CCSER1: variants seen among roughly 807,000 people sequenced by gnomAD.
CCSER1 encodes serine-rich coiled-coil domain-containing protein 1.
A neutral mutation model predicts 82.0 loss-of-function variants in CCSER1; 41 were observed. The ratio of observed to expected loss-of-function variants is 0.50; its 90% CI spans 0.39 to 0.65. The LOEUF (loss-of-function observed/expected upper bound fraction) is 0.65. Among genes scored for constraint, CCSER1 ranks in the 30% least tolerant of loss-of-function variants. The probability of loss-of-function intolerance (pLI) is 0.00; values close to 1 mark genes in which losing one functional copy is unlikely to be tolerated. For missense variants in CCSER1, 1,119 were observed against 1,064.2 expected, an observed-to-expected ratio of 1.05 and a Z score of -0.72; for synonymous variants, 414 against 383.9, an observed-to-expected ratio of 1.08 and a Z score of -0.92.
intron 6 of CCSER1, among the ~76,000 whole-genome samples, chr4:90,674,262 G>A (rs11930918): frequency 0.46 from 69,707 of 151,574 alleles, 16,420 homozygotes; most frequent in Middle Eastern, 0.59. Flanking sequence ...CTTATGATGG[G>A]ATTCTTTAGG....
rs1741072863 is a variant in CCSER1, at chr4:91,032,500, C to T, written c.2173-53450C>T. On this transcript the variant is annotated intron_variant, in intron 9 of 10. Transcript: ENST00000509176. ...CAGAAAAAGGACAGATTTATCCTGACTTTGAAAAGCAAGAAATAATTTAAG... is the reference window on the plus strand; with the variant it reads ...CAGAAAAAGGACAGATTTATCCTGATTTTGAAAAGCAAGAAATAATTTAAG... 3.3e-5 allele frequency among the ~76,000 whole-genome samples: 5 copies of T among 152,162 alleles called. No individual in the cohort carries two copies. In the South Asian group the frequency reaches 1.0e-3, roughly 32 times the overall value.
intron 9 of CCSER1, 22 bp downstream of exon 9, chr4:90,923,469 T>A: frequency 3.3e-6 from 5 of 1,502,058 alleles, no homozygotes; most frequent in Non-Finnish European, 4.5e-6. Context: ...TGTAAAACCA[T>A]TTTTAACTTC....
intron 5 of CCSER1, among the ~76,000 whole-genome samples, chr4:90,566,681 C>T (rs928688472): frequency 2.6e-5 from 4 of 151,268 alleles, no homozygotes; most frequent in Middle Eastern, 3.2e-3. Flanking sequence ...CGGCTCACTG[C>T]AAGGTCCGCC....
chr4:90,898,119 T>A (rs1723997222), intron 8 of CCSER1, among the ~76,000 whole-genome samples: 1 of 151,766 alleles, frequency 6.6e-6, no homozygotes. Context: ...TTTAAGTAAG[T>A]CCCATTTGTC....
intron 10 of CCSER1, among the ~76,000 whole-genome samples, chr4:91,453,753 C>T (rs1472935332): frequency 6.6e-6 from 1 of 151,932 alleles, no homozygotes; most frequent in Admixed American, 6.6e-5. Context: ...TGAGGTGAGT[C>T]TATACTAGGC....
At chr4:90,297,773 TC>T (rs1350944120) in intron 1 of CCSER1, among the ~76,000 whole-genome samples, 1 of 152,120 alleles carries the variant, frequency 6.6e-6, no homozygotes, top group Admixed American at 6.6e-5. Context: ...TGTCTTTGGT[TC>T]TGTTTATATG....
At chr4:91,542,466 C>A (rs1284915363) in intron 10 of CCSER1, among the ~76,000 whole-genome samples, 3 of 152,066 alleles carry the variant, frequency 2.0e-5, no homozygotes, top group Non-Finnish European at 1.5e-5. Flanking sequence ...ATTTTCCCAG[C>A]ACCATTTATT....
intron 10 of CCSER1, among the ~76,000 whole-genome samples, chr4:91,273,976 A>T (rs1242490596): frequency 6.6e-6 from 1 of 152,200 alleles, no homozygotes; most frequent in Non-Finnish European, 1.5e-5. Flanking sequence ...CTCCAACACA[A>T]GTATCACTTG....
chr4:90,475,416 G>T (rs900892789), intron 5 of CCSER1, among the ~76,000 whole-genome samples: 1 of 152,194 alleles, frequency 6.6e-6, no homozygotes, highest in Non-Finnish European at 1.5e-5. Flanking sequence ...GATTTCCATG[G>T]TGAAAGCTGT....
At chr4:91,233,579 C>T (rs1311366466) in intron 10 of CCSER1, among the ~76,000 whole-genome samples, 1 of 151,936 alleles carries the variant, frequency 6.6e-6, no homozygotes, top group East Asian at 1.9e-4. Context: ...TTTCTGTTTG[C>T]TTACTTTCCC....
At chr4:90,626,766 T>G (rs1723352653) in intron 5 of CCSER1, among the ~76,000 whole-genome samples, 2 of 152,160 alleles carry the variant, frequency 1.3e-5, no homozygotes, top group Admixed American at 6.5e-5. Flanking sequence ...AGTACTAACC[T>G]TAAAGAATTG....
At chr4:91,228,135 A>C (rs1738351448) in intron 10 of CCSER1, among the ~76,000 whole-genome samples, 1 of 152,130 alleles carries the variant, frequency 6.6e-6, no homozygotes, top group African/African-American at 2.4e-5. Context: ...AGATTGAGTG[A>C]GGAAAGGAAC....
intron 7 of CCSER1, among the ~76,000 whole-genome samples, chr4:90,747,613 C>G (rs1235277708): frequency 6.6e-6 from 1 of 151,370 alleles, no homozygotes; most frequent in African/African-American, 2.4e-5. Flanking sequence ...GATGTTTCTT[C>G]AATTTGGAGC....
At chr4:90,353,233 T>C (rs2153513756) in intron 3 of CCSER1, among the ~76,000 whole-genome samples, 1 of 152,238 alleles carries the variant, frequency 6.6e-6, no homozygotes, top group South Asian at 2.1e-4. Context: ...AACCTGGGAT[T>C]TGAAGTAGCA....
chr4:90,323,890 G>C (rs1190097104), intron 3 of CCSER1, among the ~76,000 whole-genome samples: 1 of 151,952 alleles, frequency 6.6e-6, no homozygotes, highest in South Asian at 2.1e-4. Flanking sequence ...TCATTGTTCA[G>C]TTCCCATCTA....
At chr4:91,469,235 G>T (rs912905037) in intron 10 of CCSER1, among the ~76,000 whole-genome samples, 7 of 152,044 alleles carry the variant, frequency 4.6e-5, no homozygotes, top group African/African-American at 9.7e-5. Flanking sequence ...TGTTTGTAAA[G>T]CTGACATTTT....
At chr4:91,176,783 C>T (rs1733421824) in intron 10 of CCSER1, among the ~76,000 whole-genome samples, 1 of 152,238 alleles carries the variant, frequency 6.6e-6, no homozygotes, top group East Asian at 1.9e-4. Flanking sequence ...AATTTGACTT[C>T]CTCTTTTCCT....
At chr4:90,813,508 C>T (rs549558505) in intron 7 of CCSER1, among the ~76,000 whole-genome samples, 111 of 152,292 alleles carry the variant, frequency 7.3e-4, no homozygotes, top group African/African-American at 2.5e-3. Context: ...AGAATTCCCA[C>T]ATGTTGTGGG....
chr4:91,428,362 A>G (rs1317527683), intron 10 of CCSER1, among the ~76,000 whole-genome samples: 2 of 152,096 alleles, frequency 1.3e-5, no homozygotes, highest in African/African-American at 4.8e-5. Flanking sequence ...TTTATGGACA[A>G]CATTTATTCA....
Sources: allele counts gnomAD v4.1 joint callset (sites outside exome capture counted in the v4.1 genomes callset), GRCh38; gene constraint gnomAD v4.1.1; transcripts MANE v1.5; gene names NCBI Gene and HGNC (gene_info 2026-07-23, HGNC 2026-07-21).